Variants in SDK1 observed in about 807,000 individuals in gnomAD.
The protein encoded by SDK1 is sidekick cell adhesion molecule 1.
Under a neutral mutation model 245.5 loss-of-function variants are expected in SDK1, and 157 were observed. That is an observed-to-expected ratio of 0.64 (90% CI 0.56 to 0.73). SDK1 has a LOEUF of 0.73. SDK1 is among the 30% of genes least tolerant of loss of function. The pLI is 0.00. For synonymous variants in SDK1, 1,647 were observed against 1,278.5 expected (o/e 1.29, Z -6.15); for missense variants, 3,583 against 3,002.3 (o/e 1.19, Z -4.52).
chr7:3,468,927 C>G (rs74415156), intron 1 of SDK1, among the ~76,000 whole-genome samples: 3,467 of 152,200 alleles, frequency 0.023, 141 homozygotes, highest in African/African-American at 0.078. Flanking sequence ...GGTAGGTTTC[C>G]CTTGACTCCT....
At chr7:3,639,774 T>C (rs965672658) in intron 3 of SDK1, among the ~76,000 whole-genome samples, 3 of 152,064 alleles carry the variant, frequency 2.0e-5, no homozygotes, top group African/African-American at 7.2e-5. Context: ...GACTGTCTGC[T>C]TTATTTTATG....
intron 35 of SDK1, among the ~76,000 whole-genome samples, chr7:4,196,185 T>G (rs1783566116): frequency 6.6e-6 from 1 of 152,184 alleles, no homozygotes; most frequent in Non-Finnish European, 1.5e-5. Flanking sequence ...CTCGGCTTGC[T>G]TGGTCCCCTG....
chr7:4,176,702 G>A (rs759581008), intron 34 of SDK1, among the ~76,000 whole-genome samples: 12 of 152,144 alleles, frequency 7.9e-5, no homozygotes, highest in Non-Finnish European at 1.5e-4. Flanking sequence ...CGGATTTGAC[G>A]ACTCTGGGGA....
intron 17 of SDK1, among the ~76,000 whole-genome samples, chr7:4,028,723 T>C (rs919794145): frequency 1.3e-5 from 2 of 152,226 alleles, no homozygotes; most frequent in Non-Finnish European, 2.9e-5. Flanking sequence ...CAGTCAAGTA[T>C]CCCTTTTCTT....
At chr7:4,060,606 A>G (rs1192604642) in intron 19 of SDK1, among the ~76,000 whole-genome samples, 1 of 151,786 alleles carries the variant, frequency 6.6e-6, no homozygotes, top group African/African-American at 2.4e-5. Context: ...GTTCACTCTG[A>G]TGGTAGTTTC....
intron 32 of SDK1, among the ~76,000 whole-genome samples, chr7:4,172,299 G>A (rs189886497): frequency 1.3e-5 from 2 of 152,168 alleles, no homozygotes; most frequent in South Asian, 4.1e-4. Context: ...AGTCTGCCGG[G>A]TACACACGGT....
At chr7:3,340,137 C>T (rs532435811) in intron 1 of SDK1, among the ~76,000 whole-genome samples, 3 of 151,674 alleles carry the variant, frequency 2.0e-5, no homozygotes, top group African/African-American at 7.3e-5. Context: ...TAGTTTTTCT[C>T]AAAAACTAAA....
intron 35 of SDK1, among the ~76,000 whole-genome samples, chr7:4,199,179 A>G (rs1003622924): frequency 1.3e-5 from 2 of 152,148 alleles, no homozygotes; most frequent in Admixed American, 6.5e-5. Flanking sequence ...TACAAACTGC[A>G]TATAATGCAG....
intron 40 of SDK1, among the ~76,000 whole-genome samples, chr7:4,223,926 T>C (rs1434700661): frequency 6.6e-6 from 1 of 152,214 alleles, no homozygotes; most frequent in African/African-American, 2.4e-5. Flanking sequence ...ATTTGTAGAC[T>C]CTCTGCTGGA....
At chr7:3,744,511 T>G (rs1045945490) in intron 4 of SDK1, among the ~76,000 whole-genome samples, 1 of 151,822 alleles carries the variant, frequency 6.6e-6, no homozygotes, top group African/African-American at 2.4e-5. Flanking sequence ...ACAAAAGACC[T>G]AAAAGAAATA....
chr7:4,020,025 T>C (rs1233211549), intron 17 of SDK1, among the ~76,000 whole-genome samples: 1 of 152,010 alleles, frequency 6.6e-6, no homozygotes, highest in Non-Finnish European at 1.5e-5. Flanking sequence ...ATTGGGAAGG[T>C]CATGTCATGC....
intron 1 of SDK1, among the ~76,000 whole-genome samples, chr7:3,516,337 G>A (rs1037907137): frequency 1.3e-5 from 2 of 151,954 alleles, no homozygotes; most frequent in Admixed American, 6.6e-5. Context: ...CAAACCCCAG[G>A]AATGGCAGCT....
chr7:3,925,348 G>T (rs958076346), intron 5 of SDK1, among the ~76,000 whole-genome samples: 4 of 152,190 alleles, frequency 2.6e-5, no homozygotes, highest in African/African-American at 7.2e-5. Context: ...TGCCCTCTGA[G>T]TTTGCTTAGA....
At chr7:3,315,258 G>C (rs1412355791) in intron 1 of SDK1, among the ~76,000 whole-genome samples, 1 of 152,156 alleles carries the variant, frequency 6.6e-6, no homozygotes, top group East Asian at 1.9e-4. Context: ...TTGTTTTTAC[G>C]GAGTGCTTTT....
chr7:3,410,911 G>A (rs1056861960), intron 1 of SDK1, among the ~76,000 whole-genome samples: 2 of 151,996 alleles, frequency 1.3e-5, no homozygotes, highest in Non-Finnish European at 2.9e-5. Context: ...AACTCTGCTT[G>A]TCTCTCACCT....
intron 5 of SDK1, among the ~76,000 whole-genome samples, chr7:3,934,337 TG>T (rs1439377849): frequency 1.3e-5 from 2 of 152,240 alleles, no homozygotes; most frequent in Non-Finnish European, 2.9e-5. Flanking sequence ...CTCCAGGGAC[TG>T]GGGATTGAAT....
chr7:3,322,737 T>A (rs1221652761), intron 1 of SDK1, among the ~76,000 whole-genome samples: 1 of 152,220 alleles, frequency 6.6e-6, no homozygotes, highest in African/African-American at 2.4e-5. Context: ...CATGCCACTT[T>A]CAGAATACTG....
chr7:3,904,917 C>T (rs531238966), intron 5 of SDK1, among the ~76,000 whole-genome samples: 146 of 151,088 alleles, frequency 9.7e-4, no homozygotes, highest in African/African-American at 3.2e-3. Flanking sequence ...GGCGTGAACC[C>T]GGGAGGTGGA....
chr7:3,460,180 C>G (rs1446311697), intron 1 of SDK1, among the ~76,000 whole-genome samples: 1 of 152,154 alleles, frequency 6.6e-6, no homozygotes, highest in Non-Finnish European at 1.5e-5. Flanking sequence ...AAAATGCTTT[C>G]TAAATTTCCC....
Sources: gnomAD v4.1 joint callset for allele counts (sites outside exome capture counted in the v4.1 genomes callset) on GRCh38, gnomAD v4.1.1 for gene constraint, MANE v1.5 for transcripts, NCBI Gene and HGNC (gene_info 2026-07-23, HGNC 2026-07-21) for gene names.